Variants in RIMS2 observed in about 807,000 individuals in gnomAD.
RIMS2 encodes regulating synaptic membrane exocytosis protein 2.
RIMS2 carries 59 observed loss-of-function variants against 174.4 expected under a neutral mutation model. That is an observed-to-expected ratio of 0.34 (90% CI 0.27 to 0.42). RIMS2 has a LOEUF of 0.42. RIMS2 is among the 10% of genes least tolerant of loss of function. The pLI is 1.00. For synonymous variants in RIMS2, 606 were observed against 572.5 expected (o/e 1.06, Z -0.84); for missense variants, 1,620 against 1,666.3 (o/e 0.97, Z 0.48).
At chr8:103,576,385 G>T (rs921934596) in intron 1 of RIMS2, among the ~76,000 whole-genome samples, 8 of 152,190 alleles carry the variant, frequency 5.3e-5, no homozygotes, top group African/African-American at 1.9e-4. Flanking sequence ...AGATAGGTAA[G>T]ACTGGAATAA....
At chr8:104,158,812 TA>T (rs2098742152) in intron 19 of RIMS2, among the ~76,000 whole-genome samples, 1 of 152,168 alleles carries the variant, frequency 6.6e-6, no homozygotes, top group Non-Finnish European at 1.5e-5. Context: ...TTCAGATGGA[TA>T]GATTGCAAAA....
chr8:104,218,059 CTAA>C (rs1217964361), intron 19 of RIMS2, among the ~76,000 whole-genome samples: 1 of 152,146 alleles, frequency 6.6e-6, no homozygotes, highest in East Asian at 1.9e-4. Flanking sequence ...GTTGTGAAAA[CTAA>C]TATCGTATCT....
At chr8:103,524,246 G>C (rs949386791) in intron 1 of RIMS2, among the ~76,000 whole-genome samples, 5 of 151,486 alleles carry the variant, frequency 3.3e-5, no homozygotes, top group African/African-American at 1.2e-4. Flanking sequence ...TGAAGAGAGA[G>C]TATAGAGAAT....
At chr8:104,227,165 A>G (rs999669120) in intron 19 of RIMS2, among the ~76,000 whole-genome samples, 1 of 151,530 alleles carries the variant, frequency 6.6e-6, no homozygotes, top group African/African-American at 2.4e-5. Context: ...AAATAAATTA[A>G]GATTGTCGAT....
At chr8:103,884,333 C>T (rs967157458) in intron 3 of RIMS2, among the ~76,000 whole-genome samples, 7 of 151,882 alleles carry the variant, frequency 4.6e-5, no homozygotes, top group African/African-American at 1.7e-4. Context: ...CTGGCAAAAT[C>T]CCCATAATAG....
chr8:103,514,860 T>G (rs1189588953), intron 1 of RIMS2, among the ~76,000 whole-genome samples: 5 of 151,520 alleles, frequency 3.3e-5, no homozygotes, highest in Non-Finnish European at 1.5e-5. Flanking sequence ...ATGGCGCCAC[T>G]GCACTTCAGC....
chr8:103,740,430 A>T (rs1338198371), intron 2 of RIMS2, among the ~76,000 whole-genome samples: 1 of 152,190 alleles, frequency 6.6e-6, no homozygotes. Context: ...CTTCTTGTAG[A>T]GGATGGCAAT....
chr8:103,753,317 T>G (rs1306501924), intron 2 of RIMS2, among the ~76,000 whole-genome samples: 1 of 152,238 alleles, frequency 6.6e-6, no homozygotes, highest in Admixed American at 6.5e-5. Flanking sequence ...CTTTTTGATG[T>G]GATGCTGGAT....
intron 14 of RIMS2, among the ~76,000 whole-genome samples, chr8:103,951,149 G>A (rs13264010): frequency 0.19 from 29,143 of 152,148 alleles, 3,540 homozygotes; most frequent in South Asian, 0.36. Context: ...TGCAGAAGTG[G>A]CTTTCAATAA....
At chr8:104,223,357 G>A (rs529013044) in intron 19 of RIMS2, 3 of 1,165,348 alleles carry the variant, frequency 2.6e-6, no homozygotes, top group Non-Finnish European at 3.2e-6. Flanking sequence ...CAGCCTCCAG[G>A]ATTCTCAGCT....
At chr8:104,130,848 A>G (rs1019610770) in intron 19 of RIMS2, among the ~76,000 whole-genome samples, 2 of 152,148 alleles carry the variant, frequency 1.3e-5, no homozygotes, top group African/African-American at 4.8e-5. Flanking sequence ...TATTTATGAA[A>G]GAGAAAAAAG....
chr8:104,238,705 A>G (rs1253048818), intron 19 of RIMS2, among the ~76,000 whole-genome samples: 3 of 152,172 alleles, frequency 2.0e-5, no homozygotes, highest in South Asian at 2.1e-4. Context: ...AAGGGAGTGC[A>G]TAAACTACAT....
intron 14 of RIMS2, among the ~76,000 whole-genome samples, chr8:103,949,755 C>T (rs1380994140): frequency 6.6e-6 from 1 of 151,766 alleles, no homozygotes; most frequent in Non-Finnish European, 1.5e-5. Context: ...AAAATAGACT[C>T]AAATTAAGTA....
intron 3 of RIMS2, among the ~76,000 whole-genome samples, chr8:103,821,174 G>A (rs1408573245): frequency 6.6e-6 from 1 of 151,378 alleles, no homozygotes; most frequent in Non-Finnish European, 1.5e-5. Context: ...ATTTTTTGAG[G>A]GAATTGTGTG....
At chr8:103,963,127 G>C (rs2090707046) in intron 15 of RIMS2, among the ~76,000 whole-genome samples, 1 of 151,788 alleles carries the variant, frequency 6.6e-6, no homozygotes, top group South Asian at 2.1e-4. Flanking sequence ...ATTAAAACTA[G>C]TTTTAATAGA....
chr8:103,505,486 T>C (rs961260547), intron 1 of RIMS2, among the ~76,000 whole-genome samples: 12 of 152,168 alleles, frequency 7.9e-5, no homozygotes, highest in Admixed American at 2.0e-4. Context: ...ACTAGTACCA[T>C]ATTTGTGGGT....
intron 1 of RIMS2, among the ~76,000 whole-genome samples, chr8:103,669,632 C>A (rs1373318189): frequency 6.6e-6 from 1 of 152,198 alleles, no homozygotes; most frequent in South Asian, 2.1e-4. Flanking sequence ...AACAAAGGGG[C>A]TACAGGCCCC....
chr8:104,147,741 G>T (rs1471391165), intron 19 of RIMS2, among the ~76,000 whole-genome samples: 1 of 152,070 alleles, frequency 6.6e-6, no homozygotes, highest in Non-Finnish European at 1.5e-5. Flanking sequence ...TAGGTTTATG[G>T]GGGCTAGCTG....
chr8:103,827,860 G>A (rs562251930), intron 3 of RIMS2, among the ~76,000 whole-genome samples: 1 of 151,150 alleles, frequency 6.6e-6, no homozygotes, highest in African/African-American at 2.4e-5. Context: ...AAAAGAAGGT[G>A]CAACGGTAGA....
Sources: allele counts gnomAD v4.1 joint callset (sites outside exome capture counted in the v4.1 genomes callset), GRCh38; gene constraint gnomAD v4.1.1; transcripts MANE v1.5; gene names NCBI Gene and HGNC (gene_info 2026-07-23, HGNC 2026-07-21).